REC114: variants seen among roughly 807,000 people sequenced by gnomAD.
The protein encoded by REC114 is REC114 meiotic recombination protein, also known as meiotic recombination protein REC114.
In REC114, 27 loss-of-function variants were observed where a neutral mutation model predicts 31.3. The observed-to-expected ratio is 0.86, with a 90% CI of 0.64 to 1.19. The LOEUF is 1.19. Ranked by LOEUF, REC114 falls within the 50% of genes most tolerant of loss-of-function variation. The probability of loss-of-function intolerance (pLI) is 0.00; values close to 1 mark genes in which losing one functional copy is unlikely to be tolerated. For synonymous variants in REC114, 134 were observed against 127.7 expected (o/e 1.05, Z -0.33); for missense variants, 344 against 326.9 (o/e 1.05, Z -0.40).
At chr15:73,520,296 G>A (rs1351903030) in intron 2 of REC114, among the ~76,000 whole-genome samples, 3 of 151,962 alleles carry the variant, frequency 2.0e-5, no homozygotes, top group Non-Finnish European at 4.4e-5. Context: ...CAGTGGCACA[G>A]TCTTGGCTCA....
chr15:73,476,927 GTTTAAC>G (rs1466025911), intron 2 of REC114, among the ~76,000 whole-genome samples: 1 of 152,188 alleles, frequency 6.6e-6, no homozygotes, highest in Non-Finnish European at 1.5e-5. Context: ...GTGTGTCTGT[GTTTAAC>G]TTTATAGGAA....
intron 2 of REC114, among the ~76,000 whole-genome samples, chr15:73,493,490 C>T (rs1893473896): frequency 6.6e-6 from 1 of 152,044 alleles, no homozygotes; most frequent in African/African-American, 2.4e-5. Context: ...AGAATGTTTT[C>T]ATAGATCTAT....
chr15:73,485,147 G>A (rs1395265176), intron 2 of REC114, among the ~76,000 whole-genome samples: 10 of 152,026 alleles, frequency 6.6e-5, no homozygotes, highest in African/African-American at 2.4e-4. Flanking sequence ...GCAGTGGCAC[G>A]ATCCCTGCTC....
chr15:73,518,070 C>A (rs1002703938), intron 2 of REC114, among the ~76,000 whole-genome samples: 1 of 152,142 alleles, frequency 6.6e-6, no homozygotes, highest in African/African-American at 2.4e-5. Context: ...TTGTTAATTG[C>A]TATGTTAAAT....
At chr15:73,464,745 A>C (rs1893034804) in intron 1 of REC114, among the ~76,000 whole-genome samples, 1 of 152,186 alleles carries the variant, frequency 6.6e-6, no homozygotes, top group Non-Finnish European at 1.5e-5. Flanking sequence ...CTCTCTCACA[A>C]GAACTGCAGC....
intron 2 of REC114, 59 bp downstream of exon 2, chr15:73,473,980 A>G (rs1010509174): frequency 1.7e-6 from 2 of 1,166,086 alleles, no homozygotes; most frequent in Non-Finnish European, 2.5e-6. Flanking sequence ...TTAGCTTTAC[A>G]TGAATTTTTG....
intron 2 of REC114, among the ~76,000 whole-genome samples, chr15:73,478,630 A>G (rs1399825515): frequency 6.6e-6 from 1 of 152,146 alleles, no homozygotes; most frequent in Non-Finnish European, 1.5e-5. Context: ...TGGGATTGTG[A>G]TGGGACTGAT....
At chr15:73,488,011 C>T (rs1242554554) in intron 2 of REC114, among the ~76,000 whole-genome samples, 1 of 152,144 alleles carries the variant, frequency 6.6e-6, no homozygotes, top group Non-Finnish European at 1.5e-5. Context: ...TGTCTTGTGC[C>T]CTCTGGAGTG....
At chr15:73,489,327 C>T (rs1223977839) in intron 2 of REC114, among the ~76,000 whole-genome samples, 3 of 151,918 alleles carry the variant, frequency 2.0e-5, no homozygotes, top group South Asian at 2.1e-4. Context: ...CCTCGGCCTC[C>T]TGAGTGGCTG....
chr15:73,518,973 C>T (rs1243632299), intron 2 of REC114, among the ~76,000 whole-genome samples: 1 of 152,060 alleles, frequency 6.6e-6, no homozygotes, highest in Non-Finnish European at 1.5e-5. Context: ...AAAACAAGCC[C>T]ATGAAAAATG....
intron 2 of REC114, among the ~76,000 whole-genome samples, chr15:73,479,052 C>T (rs556164004): frequency 8.5e-5 from 13 of 152,072 alleles, no homozygotes; most frequent in Non-Finnish European, 1.3e-4. Flanking sequence ...CTGCCTCACC[C>T]GCTTCCCACA....
At chr15:73,550,431 T>C (rs186252564) in intron 3 of REC114, among the ~76,000 whole-genome samples, 2 of 152,312 alleles carry the variant, frequency 1.3e-5, no homozygotes, top group East Asian at 3.9e-4. Context: ...TACAGATCAT[T>C]AGCATGAGAT....
At chr15:73,540,371 T>C in intron 2 of REC114, 114 bp from the exon 3 acceptor site, 1 of 807,702 alleles carries the variant, frequency 1.2e-6, no homozygotes, top group Non-Finnish European at 2.2e-6. Flanking sequence ...ATTGCTACTA[T>C]GTTTGAGTTA....
At chr15:73,557,426 A>AG (rs1481314084) in intron 5 of REC114, among the ~76,000 whole-genome samples, 1 of 151,438 alleles carries the variant, frequency 6.6e-6, no homozygotes, top group Non-Finnish European at 1.5e-5. Flanking sequence ...AAAAAAAAAA[A>AG]AAAAAAAGAA....
chr15:73,497,517 A>G (rs1206176864), intron 2 of REC114, among the ~76,000 whole-genome samples: 3 of 152,176 alleles, frequency 2.0e-5, no homozygotes, highest in African/African-American at 7.2e-5. Flanking sequence ...ATCAGTTAGA[A>G]TATCAGGGTT....
chr15:73,548,434 A>G (rs1012944782), intron 3 of REC114, among the ~76,000 whole-genome samples: 1 of 152,246 alleles, frequency 6.6e-6, no homozygotes, highest in Admixed American at 6.5e-5. Context: ...AAAGTAAGAC[A>G]TACATGCAGC....
chr15:73,500,726 TTG>T (rs1314628859), intron 2 of REC114, among the ~76,000 whole-genome samples: 2 of 147,970 alleles, frequency 1.4e-5, no homozygotes, highest in African/African-American at 5.2e-5. Flanking sequence ...TCTTCAATTA[TTG>T]TTTTTTTTTT....
At chr15:73,444,882 T>A (rs1253719714) in intron 1 of REC114, among the ~76,000 whole-genome samples, 1 of 152,230 alleles carries the variant, frequency 6.6e-6, no homozygotes, top group Non-Finnish European at 1.5e-5. Flanking sequence ...AGAATGAATG[T>A]TGTGTTAGCA....
chr15:73,536,855 CTAAT>C (rs1250171387), intron 2 of REC114, among the ~76,000 whole-genome samples: 1 of 152,146 alleles, frequency 6.6e-6, no homozygotes, highest in Non-Finnish European at 1.5e-5. Flanking sequence ...ATGAAATAGT[CTAAT>C]TAATTTTTAA....
Sources: allele counts gnomAD v4.1 joint callset (sites outside exome capture counted in the v4.1 genomes callset), GRCh38; gene constraint gnomAD v4.1.1; transcripts MANE v1.5; gene names NCBI Gene and HGNC (gene_info 2026-07-23, HGNC 2026-07-21).